The following SCAI variants were observed in gnomAD, a reference collection of about 807,000 sequenced individuals.
The protein encoded by SCAI is suppressor of cancer cell invasion.
Under a neutral mutation model 92.2 loss-of-function variants are expected in SCAI, and 24 were observed. That is an observed-to-expected ratio of 0.26 (90% CI 0.19 to 0.37). The LOEUF (loss-of-function observed/expected upper bound fraction) is 0.37, where lower values mean the gene tolerates loss of function less well. Among genes scored for constraint, SCAI ranks in the 10% least tolerant of loss-of-function variants. SCAI has a pLI of 1.00. For missense variants in SCAI, 450 were observed against 736.2 expected (o/e 0.61, Z 4.50); for synonymous variants, 261 against 258.6 (o/e 1.01, Z -0.09).
chr9:125,110,861 C>T (rs1454678807), intron 2 of SCAI, among the ~76,000 whole-genome samples: 2 of 152,222 alleles, frequency 1.3e-5, no homozygotes, highest in African/African-American at 2.4e-5. Context: ...TTTGCCTCCA[C>T]CATGAGTAAA....
At chr9:124,983,088 G>C (rs534285928) in intron 14 of SCAI, among the ~76,000 whole-genome samples, 2 of 151,728 alleles carry the variant, frequency 1.3e-5, no homozygotes, top group African/African-American at 4.8e-5. Context: ...GGAGTATGAG[G>C]CTGCAGTGAG....
At chr9:124,975,938 G>C (rs1489921650) in intron 15 of SCAI, among the ~76,000 whole-genome samples, 176 bp downstream of exon 15, 2 of 152,110 alleles carry the variant, frequency 1.3e-5, no homozygotes, top group Non-Finnish European at 2.9e-5. Context: ...GCACATTAAG[G>C]GATCCTGGTT....
intron 2 of SCAI, among the ~76,000 whole-genome samples, chr9:125,082,682 T>C (rs955418755): frequency 1.3e-5 from 2 of 152,240 alleles, no homozygotes; most frequent in African/African-American, 4.8e-5. Flanking sequence ...GACCTGGGTG[T>C]GAGACATGGC....
At chr9:125,013,687 G>A (rs1298145707) in intron 9 of SCAI, among the ~76,000 whole-genome samples, 1 of 152,142 alleles carries the variant, frequency 6.6e-6, no homozygotes, top group Non-Finnish European at 1.5e-5. Flanking sequence ...TATGAGGCCA[G>A]CATCATCCTG....
chr9:125,011,146 GCA>G (rs1210284695), intron 9 of SCAI, among the ~76,000 whole-genome samples: 5 of 152,238 alleles, frequency 3.3e-5, no homozygotes, highest in East Asian at 1.9e-4. Flanking sequence ...CCAAAGGAAT[GCA>G]GCTCCTCACC....
At chr9:125,123,168 C>A (rs1165600782) in intron 2 of SCAI, among the ~76,000 whole-genome samples, 1 of 152,074 alleles carries the variant, frequency 6.6e-6, no homozygotes, top group Non-Finnish European at 1.5e-5. Context: ...TCAAGACCAG[C>A]CTGAGAGACA....
intron 4 of SCAI, 108 bp downstream of exon 4, chr9:125,029,535 GA>G (rs1833030113): frequency 1.6e-5 from 9 of 545,916 alleles, no homozygotes; most frequent in South Asian, 3.6e-5. Context: ...CTTTGTTGGT[GA>G]AAAAAAAGAA....
intron 14 of SCAI, among the ~76,000 whole-genome samples, chr9:124,992,431 T>C (rs1343615674): frequency 2.6e-5 from 4 of 151,792 alleles, no homozygotes; most frequent in Non-Finnish European, 5.9e-5. Context: ...TCACCCAGGC[T>C]GGAGTGCAAT....
Position 124,976,677 on chromosome 9 carries a change from A to G in SCAI, c.1327-491T>C, listed in dbSNP as rs117480711. 3.7e-3 allele frequency among the ~76,000 whole-genome samples: 569 copies of G among 152,344 alleles called. 7 individuals are homozygous for G. Among genetic ancestry groups the G allele is most frequent in the Admixed American group, 0.021 (324 of 15,298 alleles). On this transcript the variant is annotated intron_variant, in intron 14 of 17. Transcript: ENST00000336505. ...ACAGTAACAAGCTGACACTCAAACTAAAGTACTCTACATAATTAATCATAT... is the reference window on the plus strand; with the variant it reads ...ACAGTAACAAGCTGACACTCAAACTGAAGTACTCTACATAATTAATCATAT...
At chr9:125,081,483 T>C (rs1834217350) in intron 2 of SCAI, among the ~76,000 whole-genome samples, 1 of 152,174 alleles carries the variant, frequency 6.6e-6, no homozygotes, top group African/African-American at 2.4e-5. Context: ...ACTTTGACCT[T>C]GACAGAGATG....
At position 125,075,512 on chromosome 9, in the gene SCAI, C is replaced by T. The variant is rs145992172; in HGVS notation, c.99-19505G>A. 0.018 allele frequency among the ~76,000 whole-genome samples: 2,753 copies of T among 151,926 alleles called. 160 individuals are homozygous for T. In the East Asian group the frequency reaches 0.22, roughly 12 times the overall value. ...TCCCAGGTTTAAGCAATTCTCCTGC[C>T]TCAGGCTCCCAAGTAGCTGGGATTA... On this transcript the variant is annotated intron_variant, in intron 2 of 17. Transcript: ENST00000336505.
intron 15 of SCAI, among the ~76,000 whole-genome samples, chr9:124,973,345 T>C (rs1488039438): frequency 6.6e-6 from 1 of 152,228 alleles, no homozygotes; most frequent in Non-Finnish European, 1.5e-5. Flanking sequence ...AGAAATTCTT[T>C]CACAATTCAA....
rs756668357 is a variant in SCAI at position 124,994,979 on chromosome 9, C to T, written c.1281G>A (p.Lys427=). ...HPGDLYPFTR[K]PLFIIVDSSN... ...ACGAATCCACAATGATGAACAGTGG[C>T]TTCCTGGTGAAAGGATAGAGATCCC... Residue 427 remains lysine, a synonymous_variant, in exon 14 of 18, where the codon AAG becomes AAA. Coordinates refer to ENST00000336505, the MANE Select transcript of SCAI (RefSeq NM_001144877.3). 7 of 1,612,696 alleles carry T rather than the reference C, an allele frequency of 4.3e-6. No homozygotes were observed. Among genetic ancestry groups the T allele is most frequent in the Non-Finnish European group, 5.9e-6 (7 of 1,179,594 alleles).
chr9:125,045,011 A>G (rs937335686), intron 3 of SCAI, among the ~76,000 whole-genome samples: 7 of 151,584 alleles, frequency 4.6e-5, no homozygotes, highest in African/African-American at 1.7e-4. Context: ...TCGCTAACAC[A>G]CCCCTCGCTG....
At chr9:125,133,014 C>G (rs1359577086) in intron 2 of SCAI, among the ~76,000 whole-genome samples, 1 of 151,984 alleles carries the variant, frequency 6.6e-6, no homozygotes, top group Non-Finnish European at 1.5e-5. Context: ...ATTATTCAAG[C>G]TGCAAGCATC....
chr9:125,055,176 G>C (rs943031488), intron 3 of SCAI, among the ~76,000 whole-genome samples: 2 of 151,940 alleles, frequency 1.3e-5, no homozygotes, highest in African/African-American at 4.8e-5. Context: ...AAATAACTTA[G>C]TATCTTTACA....
At chr9:125,096,379 A>C (rs955736750) in intron 2 of SCAI, among the ~76,000 whole-genome samples, 1 of 152,228 alleles carries the variant, frequency 6.6e-6, no homozygotes, top group African/African-American at 2.4e-5. Context: ...AAGGAATTCA[A>C]GATGAGATTT....
At chr9:125,108,437 G>A (rs1040652475) in intron 2 of SCAI, among the ~76,000 whole-genome samples, 1 of 151,640 alleles carries the variant, frequency 6.6e-6, no homozygotes, top group African/African-American at 2.4e-5. Context: ...GAGCGTCTCT[G>A]CCTGGCCGCC....
chr9:125,090,309 G>C (rs897194639), intron 2 of SCAI, among the ~76,000 whole-genome samples: 3 of 152,118 alleles, frequency 2.0e-5, no homozygotes, highest in Admixed American at 2.0e-4. Context: ...TAGATAAGAA[G>C]AAGAGGAAGG....
Sources: allele counts gnomAD v4.1 joint callset (sites outside exome capture counted in the v4.1 genomes callset), GRCh38; gene constraint gnomAD v4.1.1; transcripts MANE v1.5; gene names NCBI Gene and HGNC (gene_info 2026-07-23, HGNC 2026-07-21).